FRYL: variants seen among roughly 807,000 people sequenced by gnomAD.
FRYL encodes protein furry homolog-like.
FRYL carries 150 observed loss-of-function variants against 351.2 expected under a neutral mutation model. The ratio of observed to expected loss-of-function variants is 0.43; its 90% CI spans 0.37 to 0.49. The LOEUF (loss-of-function observed/expected upper bound fraction) is 0.49, where lower values mean the gene tolerates loss of function less well. Ranked by LOEUF, FRYL falls within the 20% of genes least tolerant of loss-of-function variation. The pLI, the probability that FRYL is intolerant of heterozygous loss-of-function variation, is 0.00. For missense variants in FRYL, 3,036 were observed against 3,619.3 expected (o/e 0.84, Z 4.13); for synonymous variants, 1,153 against 1,257.1 (o/e 0.92, Z 1.75).
At chr4:48,606,382 G>A in intron 10 of FRYL, 56 bp downstream of exon 10, 1 of 1,154,928 alleles carries the variant, frequency 8.7e-7, no homozygotes, top group East Asian at 2.4e-5. Context: ...AAAAAGTCAT[G>A]AAGAGCAAGG....
Position 48,540,062 on chromosome 4 carries a change from G to A in FRYL, c.6302C>T (p.Pro2101Leu), listed in dbSNP as rs1729819351. 21 of 1,609,834 alleles carry A rather than the reference G, an allele frequency of 1.3e-5. No homozygotes were observed. The highest frequency in any genetic ancestry group is 1.7e-5 in the Non-Finnish European group (20 of 1,178,338). ...AGGCAATAAGCAAAGGATGTTAAGA[G>A]GAAAGCCTATCAAAACAAAAAAAAG... ...LVDPSQLSGF[P>L]LNILCLLPHL... is the part of the protein sequence containing the mutation. Residue 2101 changes from proline (P) to leucine (L), a missense_variant, in exon 47 of 64, where the codon CCT becomes CTT. By Grantham distance (98) the Pro-to-Leu change is moderately conservative (BLOSUM62 -3). This residue lies in a region of FRYL where 1,987 missense variants were observed against 2,311.7 expected (regional missense o/e 0.86). Coordinates refer to ENST00000358350, the MANE Select transcript of FRYL (RefSeq NM_015030.2).
intron 47 of FRYL, 93 bp downstream of exon 47, chr4:48,539,878 A>C: frequency 1.1e-6 from 1 of 883,596 alleles, no homozygotes; most frequent in South Asian, 1.8e-5. Context: ...GGAAGTGACA[A>C]TAAAAGGAGT....
At chr4:48,646,857 G>A (rs1487170931) in intron 3 of FRYL, among the ~76,000 whole-genome samples, 1 of 152,142 alleles carries the variant, frequency 6.6e-6, no homozygotes, top group African/African-American at 2.4e-5. Context: ...GGTACCTAGA[G>A]AATATGATAA....
At chr4:48,566,670 CAA>C (rs1373311602) in intron 28 of FRYL, among the ~76,000 whole-genome samples, 11 of 151,974 alleles carry the variant, frequency 7.2e-5, no homozygotes, top group Non-Finnish European at 1.3e-4. Context: ...TTTAATTTTT[CAA>C]AGAGAAAAAG....
Position 48,508,103 on chromosome 4 carries a change from T to C in FRYL, c.8394+1956A>G, listed in dbSNP as rs1396976558. On this transcript the variant is annotated intron_variant, in intron 59 of 63. Transcript: ENST00000358350. The stretch of plus-strand genomic sequence containing the variant: ...CTATTTAATTGTTACAGTGCAAACA[T>C]AGCCATGGACAATATGTAAGTAAAC... Among the ~76,000 whole-genome samples, 4 of 152,184 alleles carry C rather than the reference T, an allele frequency of 2.6e-5. No individual in the cohort carries two copies. In the South Asian group the frequency reaches 6.2e-4, roughly 24 times the overall value.
chr4:48,741,509 C>T (rs1464089308), intron 1 of FRYL, among the ~76,000 whole-genome samples: 1 of 152,050 alleles, frequency 6.6e-6, no homozygotes. Flanking sequence ...CACTGCACTC[C>T]AGCCTGGGCA....
intron 53 of FRYL, among the ~76,000 whole-genome samples, chr4:48,526,286 C>A (rs1190821259): frequency 1.3e-5 from 2 of 152,126 alleles, no homozygotes; most frequent in Non-Finnish European, 2.9e-5. Context: ...GTAGCAATTT[C>A]AAAATGTACA....
intron 53 of FRYL, among the ~76,000 whole-genome samples, chr4:48,525,122 T>C (rs937883099): frequency 6.8e-5 from 10 of 148,042 alleles, no homozygotes; most frequent in Admixed American, 6.0e-4. Flanking sequence ...ATGCACAGCA[T>C]AGAGTTTGGA....
chr4:48,604,570 C>T (rs1438092062), intron 11 of FRYL, among the ~76,000 whole-genome samples: 3 of 152,220 alleles, frequency 2.0e-5, no homozygotes, highest in African/African-American at 7.2e-5. Context: ...TTCTACAAGC[C>T]AAGAAACACA....
At chr4:48,557,218 A>G in intron 34 of FRYL, 100 bp from the exon 35 acceptor site, 1 of 1,400,278 alleles carries the variant, frequency 7.1e-7, no homozygotes, top group Non-Finnish European at 9.7e-7. Context: ...TTGTACAGAT[A>G]GCTTTAATCG....
At position 48,515,071 on chromosome 4, in the gene FRYL, C is replaced by T. The variant is rs767905660; in HGVS notation, c.7894G>A (p.Glu2632Lys). The T allele has an allele frequency of 6.2e-7, 1 of 1,613,820 alleles. No individual in the cohort carries two copies. Among genetic ancestry groups the T allele is most frequent in the Non-Finnish European group, 8.5e-7 (1 of 1,179,818 alleles). ...TCCGCTTCTTCTTCTTCACATCTTT[C>T]ATCTAGCTCTTTCAGAGCTAAGGTA... Reference protein sequence around the residue: ...DVTLALKELDERCEEEEADFS... With the variant: ...DVTLALKELDKRCEEEEADFS... Residue 2632 changes from glutamate (E) to lysine (K), a missense_variant, in exon 56 of 64, where the codon GAA becomes AAA. Coordinates refer to ENST00000358350, the MANE Select transcript of FRYL (RefSeq NM_015030.2).
intron 33 of FRYL, among the ~76,000 whole-genome samples, chr4:48,558,006 T>A (rs1263469493): frequency 1.3e-5 from 2 of 152,082 alleles, no homozygotes; most frequent in East Asian, 3.8e-4. Flanking sequence ...AGTATGATGG[T>A]TCCTCAAAAA....
chr4:48,681,209 C>A, intron 3 of FRYL: 1 of 498,410 alleles, frequency 2.0e-6, no homozygotes. Context: ...TTCAGGTACA[C>A]TATTTGTGTC....
intron 2 of FRYL, among the ~76,000 whole-genome samples, chr4:48,688,650 C>T: frequency 7.1e-6 from 1 of 141,412 alleles, no homozygotes; most frequent in Non-Finnish European, 1.5e-5. Context: ...TTAACCTTCT[C>T]TTAGTCAATT....
chr4:48,509,735 G>C (rs1436101874), intron 59 of FRYL, among the ~76,000 whole-genome samples: 1 of 152,142 alleles, frequency 6.6e-6, no homozygotes, highest in Non-Finnish European at 1.5e-5. Flanking sequence ...CAGAGGTTGT[G>C]GATTTCCTAG....
In FRYL at chr4:48,731,912, G is replaced by T. The variant is rs1233135869; in HGVS notation, c.-383-21214C>A. On this transcript the variant is annotated intron_variant, in intron 1 of 63. Coordinates refer to ENST00000358350, the MANE Select transcript of FRYL (RefSeq NM_015030.2). ...AACTCCAAAAGCAATGGCAACAGAA[G>T]CCAAAATTGACAAATGGGATCTAAT... Among the ~76,000 whole-genome samples, 8 of 152,286 alleles carry T rather than the reference G, an allele frequency of 5.3e-5. No homozygotes were observed. The South Asian group carries it at 1.7e-3, about 32-fold the overall frequency.
intron 4 of FRYL, among the ~76,000 whole-genome samples, chr4:48,628,945 A>G (rs1752426206): frequency 6.6e-6 from 1 of 151,362 alleles, no homozygotes; most frequent in Non-Finnish European, 1.5e-5. Context: ...AGATGTTTTT[A>G]TTATATAATC....
intron 32 of FRYL, among the ~76,000 whole-genome samples, chr4:48,562,667 C>T (rs1735789937): frequency 1.3e-5 from 2 of 152,080 alleles, no homozygotes; most frequent in Non-Finnish European, 2.9e-5. Flanking sequence ...CATAAATAAT[C>T]CTTCTACAAT....
intron 3 of FRYL, among the ~76,000 whole-genome samples, chr4:48,683,072 T>A (rs990116349): frequency 6.6e-6 from 1 of 152,162 alleles, no homozygotes; most frequent in African/African-American, 2.4e-5. Flanking sequence ...ATATATACCA[T>A]AGAATACTAT....
Sources: gnomAD v4.1 joint callset for allele counts (sites outside exome capture counted in the v4.1 genomes callset) on GRCh38, gnomAD v4.1.1 for gene constraint, gnomAD v4.1.1 regional missense constraint, MANE v1.5 for transcripts, NCBI Gene and HGNC (gene_info 2026-07-23, HGNC 2026-07-21) for gene names.